Variants in MTHFD1L observed in about 807,000 individuals in gnomAD.
The protein encoded by MTHFD1L is methylenetetrahydrofolate dehydrogenase (NADP+ dependent) 1 like.
Under a neutral mutation model 119.5 loss-of-function variants are expected in MTHFD1L, and 81 were observed. The ratio of observed to expected loss-of-function variants is 0.68; its 90% CI spans 0.57 to 0.82. MTHFD1L has a LOEUF of 0.82. MTHFD1L is among the 40% of genes least tolerant of loss of function. The pLI is 0.00. For missense variants in MTHFD1L, 1,125 were observed against 1,253.4 expected, an observed-to-expected ratio of 0.90 and a Z score of 1.55; for synonymous variants, 430 against 475.2, an observed-to-expected ratio of 0.90 and a Z score of 1.24.
At chr6:151,015,955 C>G (rs1407097486) in intron 24 of MTHFD1L, among the ~76,000 whole-genome samples, 1 of 152,048 alleles carries the variant, frequency 6.6e-6, no homozygotes, top group Admixed American at 6.5e-5. Flanking sequence ...GGCATGGTGG[C>G]GTGCACCTAT....
chr6:151,051,018 C>A (rs1468605679), intron 26 of MTHFD1L, among the ~76,000 whole-genome samples: 1 of 152,110 alleles, frequency 6.6e-6, no homozygotes, highest in Non-Finnish European at 1.5e-5. Context: ...GCCCTCCACC[C>A]TTCCTGGAGG....
chr6:150,979,698 C>G (rs1470258640), intron 20 of MTHFD1L, among the ~76,000 whole-genome samples: 2 of 152,020 alleles, frequency 1.3e-5, no homozygotes, highest in Non-Finnish European at 2.9e-5. Context: ...TGGAGTTTCT[C>G]CATGTTAGCC....
chr6:151,076,287 G>A (rs553027672), intron 26 of MTHFD1L, among the ~76,000 whole-genome samples: 1 of 152,108 alleles, frequency 6.6e-6, no homozygotes, highest in South Asian at 2.1e-4. Context: ...CCAGGTTGAG[G>A]CTGTAGTAAG....
chr6:150,982,390 G>T (rs569016757), intron 20 of MTHFD1L, among the ~76,000 whole-genome samples: 15 of 152,238 alleles, frequency 9.9e-5, no homozygotes, highest in African/African-American at 3.4e-4. Flanking sequence ...CATTTTGCCT[G>T]CAGTTTAGCC....
At chr6:150,912,144 A>G (rs1267961869) in intron 8 of MTHFD1L, among the ~76,000 whole-genome samples, 1 of 152,166 alleles carries the variant, frequency 6.6e-6, no homozygotes, top group African/African-American at 2.4e-5. Context: ...ACCTCCCACC[A>G]GGCCCCACCC....
chr6:150,964,789 G>A (rs1796958673), intron 18 of MTHFD1L, among the ~76,000 whole-genome samples, 180 bp from the exon 19 acceptor site: 1 of 152,190 alleles, frequency 6.6e-6, no homozygotes, highest in African/African-American at 2.4e-5. Flanking sequence ...TAGTGTGACT[G>A]ACATCCGTTC....
At chr6:151,100,028 T>A in intron 27 of MTHFD1L, 1 of 680,032 alleles carries the variant, frequency 1.5e-6, no homozygotes, top group East Asian at 2.8e-5. Context: ...ATATTTTCTT[T>A]CTTTTCTTTT....
rs146534516 is a variant in MTHFD1L, at chr6:151,085,482, A to G, written c.2848-6985A>G. Among the ~76,000 whole-genome samples, 142 of 152,164 alleles carry G rather than the reference A, an allele frequency of 9.3e-4. 1 individual carries two copies. Among genetic ancestry groups the G allele is most frequent in the African/African-American group, 3.3e-3 (135 of 41,534 alleles). ...AAGTGAAAAGTAAAGAAAGCAAAAC[A>G]TTTTTTGGCCGGGCGCGTTGTCTCA... On this transcript the variant is annotated intron_variant, in intron 26 of 27. Coordinates refer to ENST00000367321, the MANE Select transcript of MTHFD1L (RefSeq NM_015440.5).
chr6:151,074,883 C>T (rs1792338995), intron 26 of MTHFD1L, among the ~76,000 whole-genome samples: 1 of 152,116 alleles, frequency 6.6e-6, no homozygotes, highest in Non-Finnish European at 1.5e-5. Flanking sequence ...ACAAAATCAC[C>T]CAGTGATGTG....
rs57961829 is a variant in MTHFD1L, at chr6:150,916,737, C to CT, written c.893-1798dup. Among the ~76,000 whole-genome samples, 113 of 72,090 alleles carry CT rather than the reference C, an allele frequency of 1.6e-3. 4 individuals carry two copies. Among genetic ancestry groups the CT allele is most frequent in the Non-Finnish European group, 2.5e-3 (88 of 34,668 alleles). 47.3% of individuals were successfully genotyped at this position (72,090 alleles called of 152,430 possible). ...TTTTGATGGAAAATTGATTCTATCC[C>CT]TTTTTTTTTTTTTTTTTTTTTTTTT... On this transcript the variant is annotated intron_variant, in intron 8 of 27. Transcript: ENST00000367321.
intron 20 of MTHFD1L, among the ~76,000 whole-genome samples, chr6:150,975,550 A>G (rs1776432560): frequency 6.6e-6 from 1 of 152,324 alleles, no homozygotes; most frequent in Non-Finnish European, 1.5e-5. Flanking sequence ...TCATAAGAAT[A>G]GCCCCTAAAA....
intron 4 of MTHFD1L, among the ~76,000 whole-genome samples, chr6:150,881,635 C>G (rs1366352449): frequency 6.6e-6 from 1 of 152,094 alleles, no homozygotes; most frequent in Non-Finnish European, 1.5e-5. Context: ...AGCCTTTTAC[C>G]CCACTGAACC....
intron 26 of MTHFD1L, among the ~76,000 whole-genome samples, chr6:151,065,915 C>G (rs1181670488): frequency 6.6e-6 from 1 of 152,234 alleles, no homozygotes. Flanking sequence ...ATGTCTCACA[C>G]AGGCAAAGAC....
intron 16 of MTHFD1L, 96 bp from the exon 17 acceptor site, chr6:150,955,899 C>A: frequency 2.9e-6 from 3 of 1,036,400 alleles, no homozygotes; most frequent in Non-Finnish European, 4.5e-6. Context: ...TTCTCTTTCA[C>A]CCTCTGCAAC....
intron 26 of MTHFD1L, among the ~76,000 whole-genome samples, chr6:151,091,243 C>T (rs75512093): frequency 4.1e-4 from 15 of 36,652 alleles, no homozygotes; most frequent in East Asian, 2.6e-3. Flanking sequence ...GGTGCAGCAT[C>T]GTTCCATGCG....
At chr6:151,022,780 G>A (rs1784122217) in intron 24 of MTHFD1L, among the ~76,000 whole-genome samples, 1 of 152,142 alleles carries the variant, frequency 6.6e-6, no homozygotes, top group African/African-American at 2.4e-5. Flanking sequence ...GGAGTGTTCT[G>A]TGGAAAGCTG....
intron 15 of MTHFD1L, among the ~76,000 whole-genome samples, chr6:150,946,563 A>C (rs1793978980): frequency 6.6e-6 from 1 of 152,130 alleles, no homozygotes; most frequent in South Asian, 2.1e-4. Flanking sequence ...TGGTCTTCTA[A>C]TCATATTGCT....
chr6:150,930,218 T>G, intron 11 of MTHFD1L, among the ~76,000 whole-genome samples: 1 of 152,178 alleles, frequency 6.6e-6, no homozygotes, highest in South Asian at 2.1e-4. Context: ...CTGAGCTGCA[T>G]AGCAAGACCC....
intron 20 of MTHFD1L, among the ~76,000 whole-genome samples, chr6:151,002,533 G>C (rs1305884935): frequency 2.0e-5 from 3 of 152,182 alleles, no homozygotes; most frequent in Admixed American, 2.0e-4. Context: ...GCCCCATGTT[G>C]AGAGCATTTC....
Sources: gnomAD v4.1 joint callset for allele counts (sites outside exome capture counted in the v4.1 genomes callset) on GRCh38, gnomAD v4.1.1 for gene constraint, MANE v1.5 for transcripts, NCBI Gene and HGNC (gene_info 2026-07-23, HGNC 2026-07-21) for gene names.